HNRNPM: variants seen among roughly 807,000 people sequenced by gnomAD.
HNRNPM encodes heterogeneous nuclear ribonucleoprotein M.
A neutral mutation model predicts 73.1 loss-of-function variants in HNRNPM; 11 were observed. That is an observed-to-expected ratio of 0.15 (90% CI 0.09 to 0.25). The LOEUF is 0.25. Ranked by LOEUF, HNRNPM falls within the 10% of genes least tolerant of loss-of-function variation. The pLI is 1.00. For synonymous variants in HNRNPM, 407 were observed against 355.2 expected (o/e 1.15, Z -1.64); for missense variants, 789 against 1,067.9 (o/e 0.74, Z 3.64).
intron 11 of HNRNPM, 21 bp from the exon 12 acceptor site, chr19:8,474,146 A>C (rs1195978972): frequency 6.4e-7 from 1 of 1,559,682 alleles, no homozygotes; most frequent in African/African-American, 1.4e-5. Context: ...GATGATGCTG[A>C]AATGTGAACC....
chr19:8,477,215 C>T (rs1970574811), intron 12 of HNRNPM, among the ~76,000 whole-genome samples: 1 of 152,096 alleles, frequency 6.6e-6, no homozygotes, highest in Non-Finnish European at 1.5e-5. Flanking sequence ...AAGGACCTCG[C>T]AGCATGAAAA....
intron 12 of HNRNPM, among the ~76,000 whole-genome samples, chr19:8,475,605 C>T (rs1181670969): frequency 6.6e-6 from 1 of 152,160 alleles, no homozygotes; most frequent in Non-Finnish European, 1.5e-5. Context: ...TTCATGGGTG[C>T]CTTGTTCTAG....
At chr19:8,469,460 A>T (rs796758234) in intron 9 of HNRNPM, among the ~76,000 whole-genome samples, 11 of 152,342 alleles carry the variant, frequency 7.2e-5, no homozygotes, top group African/African-American at 2.6e-4. Context: ...ACTAAAAACC[A>T]CCGAATACTT....
intron 2 of HNRNPM, among the ~76,000 whole-genome samples, chr19:8,457,709 CTCT>C (rs770427790): frequency 2.6e-5 from 4 of 152,170 alleles, no homozygotes; most frequent in South Asian, 4.1e-4. Flanking sequence ...TTAAGAAATA[CTCT>C]TCTTATTACG....
chr19:8,474,374 T>C, intron 12 of HNRNPM, 130 bp downstream of exon 12: 1 of 572,674 alleles, frequency 1.7e-6, no homozygotes, highest in Admixed American at 3.4e-5. Flanking sequence ...TCAAATGTCT[T>C]TTGAATTGCC....
intron 1 of HNRNPM, among the ~76,000 whole-genome samples, chr19:8,454,698 C>A: frequency 9.0e-6 from 1 of 110,830 alleles, no homozygotes; most frequent in Admixed American, 1.2e-4. Flanking sequence ...TTTTTTTTAA[C>A]ACTATGAAAG....
At chr19:8,475,403 A>G (rs1970430250) in intron 12 of HNRNPM, among the ~76,000 whole-genome samples, 1 of 152,262 alleles carries the variant, frequency 6.6e-6, no homozygotes, top group Admixed American at 6.5e-5. Flanking sequence ...TTTTTTACAC[A>G]GAAACTTTCT....
At chr19:8,465,284 C>T in intron 5 of HNRNPM, 40 bp from the exon 6 acceptor site, 1 of 1,511,998 alleles carries the variant, frequency 6.6e-7, no homozygotes, top group Non-Finnish European at 9.0e-7. Context: ...TTGCGTTGTA[C>T]TGGGTCAGTT....
chr19:8,472,618 GC>G (rs1332300014), intron 10 of HNRNPM, among the ~76,000 whole-genome samples: 16 of 152,162 alleles, frequency 1.1e-4, no homozygotes, highest in African/African-American at 3.6e-4. Flanking sequence ...TGCTCTTGTT[GC>G]CCAGGCTGGA....
intron 2 of HNRNPM, among the ~76,000 whole-genome samples, chr19:8,457,392 A>T (rs894964914): frequency 6.6e-6 from 1 of 152,154 alleles, no homozygotes; most frequent in Non-Finnish European, 1.5e-5. Context: ...GATACTTCCA[A>T]ACTGGTTCTC....
chr19:8,471,911 G>A (rs1212230391), intron 10 of HNRNPM, among the ~76,000 whole-genome samples: 2 of 152,176 alleles, frequency 1.3e-5, no homozygotes, highest in South Asian at 2.1e-4. Flanking sequence ...GGTGGCTCAC[G>A]CCTGTAATCC....
At chr19:8,482,275 T>C (rs548082345) in intron 12 of HNRNPM, among the ~76,000 whole-genome samples, 6 of 152,304 alleles carry the variant, frequency 3.9e-5, no homozygotes, top group African/African-American at 1.4e-4. Context: ...TTTTAATGGC[T>C]TTGTGGCCGT....
chr19:8,465,878 C>T (rs954760318), intron 6 of HNRNPM, among the ~76,000 whole-genome samples: 14 of 152,040 alleles, frequency 9.2e-5, no homozygotes, highest in Admixed American at 2.6e-4. Context: ...AATACCTCCA[C>T]CATCTGCAAG....
At chr19:8,455,376 T>G (rs749581653) in intron 1 of HNRNPM, 29 bp from the exon 2 acceptor site, 1 of 1,589,948 alleles carries the variant, frequency 6.3e-7, no homozygotes, top group South Asian at 1.1e-5. Context: ...ATAAACCCTT[T>G]ACCTTTTTTT....
chr19:8,467,513 A>G, intron 7 of HNRNPM, 22 bp from the exon 8 acceptor site: 3 of 1,597,680 alleles, frequency 1.9e-6, no homozygotes, highest in Non-Finnish European at 2.6e-6. Flanking sequence ...ATTGCAAGAA[A>G]TAGCCTTAAT....
At chr19:8,458,139 G>C (rs998834703) in intron 2 of HNRNPM, among the ~76,000 whole-genome samples, 5 of 152,236 alleles carry the variant, frequency 3.3e-5, no homozygotes, top group South Asian at 2.1e-4. Flanking sequence ...GGATACTCCG[G>C]GGGGAGATTG....
Position 8,462,923 on chromosome 19 carries a change from C to T in HNRNPM, c.336+342C>T, listed in dbSNP as rs1441629673. On this transcript the variant is annotated intron_variant, in intron 3 of 15. Coordinates refer to ENST00000325495, the MANE Select transcript of HNRNPM (RefSeq NM_005968.5). The surrounding 1 kb of genome is among the most constrained non-coding windows in gnomAD (Gnocchi z 4.5). ...GTATAATTAATGTAAAACGTGTGTTCTTGTCTAGAAAATGTTACTCTTGGT... is the reference window on the plus strand; with the variant it reads ...GTATAATTAATGTAAAACGTGTGTTTTTGTCTAGAAAATGTTACTCTTGGT... Among the ~76,000 whole-genome samples, 2 of 152,108 alleles carry T rather than the reference C, an allele frequency of 1.3e-5. No homozygotes were observed. The highest frequency in any genetic ancestry group is 4.8e-5 in the African/African-American group (2 of 41,404).
intron 13 of HNRNPM, among the ~76,000 whole-genome samples, chr19:8,484,763 G>A (rs1363056622): frequency 6.6e-6 from 1 of 152,178 alleles, no homozygotes; most frequent in African/African-American, 2.4e-5. Flanking sequence ...AGAGGCAAGC[G>A]ACAGGGTTTC....
chr19:8,445,993 G>A (rs545443064), intron 1 of HNRNPM, among the ~76,000 whole-genome samples: 8 of 152,286 alleles, frequency 5.3e-5, no homozygotes, highest in Admixed American at 2.0e-4. Context: ...CTTTAAAGGA[G>A]GAAGCATCGA....
Sources: allele counts gnomAD v4.1 joint callset (sites outside exome capture counted in the v4.1 genomes callset), GRCh38; gene constraint gnomAD v4.1.1; non-coding constraint Gnocchi (gnomAD v3.1); transcripts MANE v1.5; gene names NCBI Gene and HGNC (gene_info 2026-07-23, HGNC 2026-07-21).